Variants in UBE2D3 observed in about 807,000 individuals in gnomAD.
UBE2D3 encodes the protein ubiquitin conjugating enzyme E2 D3.
UBE2D3 carries 2 observed loss-of-function variants against 22.8 expected under a neutral mutation model. The ratio of observed to expected loss-of-function variants is 0.09; its 90% confidence interval spans 0.04 to 0.28. UBE2D3 has a LOEUF of 0.28. Among genes scored for constraint, UBE2D3 ranks in the 10% least tolerant of loss-of-function variants. The pLI, the probability that UBE2D3 is intolerant of heterozygous loss-of-function variation, is 1.00. For missense variants in UBE2D3, 27 were observed against 182.5 expected (o/e 0.15, Z 4.91); for synonymous variants, 56 against 60.4 (o/e 0.93, Z 0.34).
At chr4:102,825,311 C>A in intron 2 of UBE2D3, 7 of 988,770 alleles carry the variant, frequency 7.1e-6, no homozygotes, top group Non-Finnish European at 7.2e-6. Flanking sequence ...TGTAAACACT[C>A]CACCCTCTTC....
At chr4:102,834,707 C>T (rs1158818988) in intron 1 of UBE2D3, among the ~76,000 whole-genome samples, 1 of 151,694 alleles carries the variant, frequency 6.6e-6, no homozygotes, top group Non-Finnish European at 1.5e-5. Flanking sequence ...TGTGATCAGG[C>T]CACTGCCCTC....
At chr4:102,834,486 T>C (rs1731285340) in intron 1 of UBE2D3, among the ~76,000 whole-genome samples, 1 of 152,076 alleles carries the variant, frequency 6.6e-6, no homozygotes, top group Non-Finnish European at 1.5e-5. Context: ...TGGTGGTACA[T>C]AGCTGTAATC....
intron 4 of UBE2D3, among the ~76,000 whole-genome samples, chr4:102,805,548 G>A (rs571633311): frequency 6.7e-6 from 1 of 149,892 alleles, no homozygotes; most frequent in African/African-American, 2.5e-5. Context: ...GTGCAGTGGT[G>A]TGATCTCGGC....
chr4:102,844,881 G>GCATGGTGGTGGGCGC (rs1731959198), intron 1 of UBE2D3, among the ~76,000 whole-genome samples: 1 of 151,966 alleles, frequency 6.6e-6, no homozygotes, highest in Non-Finnish European at 1.5e-5. Context: ...ATTTACCTAG[G>GCATGGTGGTGGGCGC]CATGGTGGTG....
At chr4:102,845,648 AG>A (rs1732006130) in intron 1 of UBE2D3, among the ~76,000 whole-genome samples, 1 of 152,212 alleles carries the variant, frequency 6.6e-6, no homozygotes, top group Non-Finnish European at 1.5e-5. Flanking sequence ...GCACCTTGGT[AG>A]GTTACTTTAT....
intron 1 of UBE2D3, among the ~76,000 whole-genome samples, chr4:102,864,400 A>G (rs1045909982): frequency 2.9e-5 from 1 of 34,068 alleles, no homozygotes; most frequent in African/African-American, 3.3e-4. Context: ...GCAGAAAAAG[A>G]CAGGGTTTCA....
At chr4:102,826,706 T>TA (rs1730561231) in intron 1 of UBE2D3, 70 bp from the exon 2 acceptor site, 1 of 1,447,424 alleles carries the variant, frequency 6.9e-7, no homozygotes, top group East Asian at 2.5e-5. Flanking sequence ...CCAGGTCCCT[T>TA]AAGACAGCCG....
At chr4:102,799,831 C>G (rs367717179) in intron 6 of UBE2D3, among the ~76,000 whole-genome samples, 1 of 69,334 alleles carries the variant, frequency 1.4e-5, no homozygotes, top group South Asian at 5.8e-4. Context: ...TACTCAGTGG[C>G]TGGGGGGGGG....
intron 1 of UBE2D3, among the ~76,000 whole-genome samples, chr4:102,867,116 A>G (rs1733183646): frequency 6.6e-6 from 1 of 152,218 alleles, no homozygotes; most frequent in Non-Finnish European, 1.5e-5. Context: ...TTCCATTGTA[A>G]GTTTTACTTT....
At chr4:102,816,438 C>G (rs1728789296) in intron 2 of UBE2D3, among the ~76,000 whole-genome samples, 1 of 152,202 alleles carries the variant, frequency 6.6e-6, no homozygotes, top group Admixed American at 6.5e-5. Context: ...AGCTGACTTT[C>G]CATACAGATG....
At position 102,794,545 on chromosome 4, in the gene UBE2D3, A is replaced by C. The variant is rs1725067227; in HGVS notation, c.*2870T>G. 6.6e-6 allele frequency: 1 copy of C among 152,032 alleles called. No individual in the cohort carries two copies. Among genetic ancestry groups the C allele is most frequent in the African/African-American group, 2.4e-5 (1 of 41,410 alleles). 9.4% of individuals were successfully genotyped at this position (152,032 alleles called of 1,614,324 possible). A position where few individuals can be genotyped will look rare whatever the true frequency, so the allele number is the denominator to read the frequency against. ...TTAAAAGTGTAATCAACAATCATTAACAGTTTTGTTATGCCAACACAAAAC... is the reference window on the plus strand; with the variant it reads ...TTAAAAGTGTAATCAACAATCATTACCAGTTTTGTTATGCCAACACAAAAC... On this transcript the variant is annotated 3_prime_UTR_variant, in exon 8 of 8. Coordinates refer to ENST00000453744, the MANE Select transcript of UBE2D3 (RefSeq NM_181891.3).
chr4:102,863,448 T>TA, intron 1 of UBE2D3, among the ~76,000 whole-genome samples: 1 of 152,224 alleles, frequency 6.6e-6, no homozygotes, highest in East Asian at 1.9e-4. Flanking sequence ...GAACCACCCC[T>TA]ATGACCCAAA....
chr4:102,854,397 TGAAA>T (rs1732534302), intron 1 of UBE2D3, among the ~76,000 whole-genome samples: 2 of 152,316 alleles, frequency 1.3e-5, no homozygotes, highest in African/African-American at 4.8e-5. Context: ...GATGAATTAT[TGAAA>T]GAGAGATATT....
At chr4:102,823,915 G>A (rs773890188) in intron 2 of UBE2D3, among the ~76,000 whole-genome samples, 2 of 152,176 alleles carry the variant, frequency 1.3e-5, no homozygotes, top group African/African-American at 2.4e-5. Flanking sequence ...GGGACCTTCA[G>A]ACAAGAATAA....
intron 1 of UBE2D3, among the ~76,000 whole-genome samples, chr4:102,850,579 A>T (rs1732290631): frequency 6.6e-6 from 1 of 152,138 alleles, no homozygotes; most frequent in Admixed American, 6.5e-5. Flanking sequence ...AGGAACTTGG[A>T]CTTTAATCTG....
At chr4:102,865,213 G>T (rs1250639981) in intron 1 of UBE2D3, among the ~76,000 whole-genome samples, 2 of 152,114 alleles carry the variant, frequency 1.3e-5, no homozygotes, top group Non-Finnish European at 2.9e-5. Context: ...GACATACACG[G>T]CCAGGCACGG....
chr4:102,796,873 A>G lies in UBE2D3; in HGVS notation c.*542T>C, dbSNP rs1578211578. 6.6e-6 allele frequency: 1 copy of G among 152,362 alleles called. No individual in the cohort carries two copies. The highest frequency in any genetic ancestry group is 6.6e-5 in the Admixed American group (1 of 15,216). The allele number at this position is 152,362 out of a possible 1,614,324, so 9.4% of individuals were successfully genotyped here. On this transcript the variant is annotated 3_prime_UTR_variant, in exon 8 of 8. Transcript: ENST00000453744. ...TATTGACATGCATAAAATACATCAC[A>G]TTTTCTGTTCTGCTGATGCTATAAA...
chr4:102,838,301 T>A (rs528808416), intron 1 of UBE2D3, among the ~76,000 whole-genome samples: 1 of 152,340 alleles, frequency 6.6e-6, no homozygotes, highest in South Asian at 2.1e-4. Flanking sequence ...TGTATCTGCA[T>A]GGTGGAAGTA....
chr4:102,814,489 A>G (rs1451692263), intron 2 of UBE2D3, among the ~76,000 whole-genome samples: 2 of 138,444 alleles, frequency 1.4e-5, no homozygotes, highest in Admixed American at 7.6e-5. Flanking sequence ...TAGTTTTACT[A>G]GAGATGGGGT....
Sources: allele counts gnomAD v4.1 joint callset (sites outside exome capture counted in the v4.1 genomes callset), GRCh38; gene constraint gnomAD v4.1.1; transcripts MANE v1.5; gene names NCBI Gene and HGNC (gene_info 2026-07-23, HGNC 2026-07-21).